LONRF2: variants seen among roughly 807,000 people sequenced by gnomAD.
LONRF2 encodes LON peptidase N-terminal domain and ring finger 2, also known as LON peptidase N-terminal domain and RING finger protein 2.
LONRF2 carries 35 observed loss-of-function variants against 66.6 expected under a neutral mutation model. The observed-to-expected ratio is 0.53, with a 90% confidence interval of 0.40 to 0.70. The LOEUF is 0.70. LONRF2 is among the 30% of genes least tolerant of loss of function. The pLI is 0.00. For missense variants in LONRF2, 902 were observed against 1,002.1 expected, an observed-to-expected ratio of 0.90 and a Z score of 1.35; for synonymous variants, 417 against 418.1, an observed-to-expected ratio of 1.00 and a Z score of 0.03.
intron 3 of LONRF2, among the ~76,000 whole-genome samples, chr2:100,302,465 A>C (rs1167965820): frequency 6.6e-6 from 1 of 152,230 alleles, no homozygotes; most frequent in Non-Finnish European, 1.5e-5. Context: ...ACTATTGTAT[A>C]AGCTTTTTAA....
chr2:100,289,842 A>C (rs1450788857), intron 10 of LONRF2, among the ~76,000 whole-genome samples: 1 of 152,198 alleles, frequency 6.6e-6, no homozygotes, highest in Non-Finnish European at 1.5e-5. Context: ...CTGTAGTCAC[A>C]GCACTTTGGG....
chr2:100,282,472 A>G lies in LONRF2; in HGVS notation c.*1826T>C, dbSNP rs1674759189. 1 of 152,272 alleles carries G rather than the reference A, an allele frequency of 6.6e-6. No homozygotes were observed. Among genetic ancestry groups the G allele is most frequent in the East Asian group, 1.9e-4 (1 of 5,206 alleles). The allele number at this position is 152,272 out of a possible 1,614,324, so 9.4% of individuals were successfully genotyped here. ...GAATGGTCAATGCATACTGATTTTC[A>G]TGAACCACTTCTGGTAAAGGTCTTC... On this transcript the variant is annotated 3_prime_UTR_variant, in exon 12 of 12. Transcript: ENST00000393437.
intron 10 of LONRF2, among the ~76,000 whole-genome samples, chr2:100,289,164 C>T (rs1674905317): frequency 8.0e-6 from 1 of 124,666 alleles, no homozygotes; most frequent in Non-Finnish European, 1.9e-5. Context: ...TGAGTCAAAC[C>T]GTGCTCACCA....
intron 2 of LONRF2, among the ~76,000 whole-genome samples, chr2:100,308,440 T>C (rs1175696700): frequency 2.0e-5 from 3 of 152,232 alleles, no homozygotes; most frequent in East Asian, 1.9e-4. Context: ...TAAAGTAATA[T>C]AGCAAATATT....
rs144370763 is a variant in LONRF2 at position 100,294,351 on chromosome 2, C to T, written c.1635G>A (p.Met545Ile). ...GTGGACATGGGACCGTGGGGAAGGC[C>T]ATGGCACACACAAAGATGGGGACGT... ...TRDVPIFVCA[M>I]AFPTVPCPLH... Residue 545 changes from methionine to isoleucine, a missense_variant, in exon 9 of 12, where the codon ATG becomes ATA. By Grantham distance (10) the Met-to-Ile change is conservative. Around this residue, in one of 2 missense-constraint regions of LONRF2, gnomAD observed 317 missense variants for 432.2 expected, o/e 0.73. Transcript: ENST00000393437. The T allele has an allele frequency of 2.5e-6, 4 of 1,599,870 alleles. No individual in the cohort carries two copies. In the African/African-American group the frequency reaches 5.4e-5, roughly 22 times the overall value.
intron 7 of LONRF2, among the ~76,000 whole-genome samples, chr2:100,296,642 T>C (rs993906605): frequency 6.6e-6 from 1 of 152,188 alleles, no homozygotes; most frequent in Non-Finnish European, 1.5e-5. Flanking sequence ...GAGTTCAAAC[T>C]TTGGAAACGC....
chr2:100,300,445 A>G (rs1022369913), intron 4 of LONRF2, among the ~76,000 whole-genome samples, 199 bp downstream of exon 4: 1 of 152,140 alleles, frequency 6.6e-6, no homozygotes, highest in African/African-American at 2.4e-5. Context: ...AGCTTCTTTC[A>G]ATCTTTAATC....
chr2:100,303,268 C>G (rs1400676459), intron 2 of LONRF2, among the ~76,000 whole-genome samples: 1 of 152,214 alleles, frequency 6.6e-6, no homozygotes, highest in Non-Finnish European at 1.5e-5. Flanking sequence ...AACACAGGAG[C>G]TACCGTACCT....
intron 1 of LONRF2, among the ~76,000 whole-genome samples, chr2:100,316,958 G>T (rs1675521835): frequency 6.6e-6 from 1 of 151,944 alleles, no homozygotes; most frequent in South Asian, 2.1e-4. Context: ...GATATTCCTT[G>T]CCTTAAAGAA....
In LONRF2 at chr2:100,319,298, A is replaced by G. The variant is rs141313771; in HGVS notation, c.679+2117T>C. Among the ~76,000 whole-genome samples the G allele has an allele frequency of 3.0e-4, 46 of 152,350 alleles. No homozygotes were observed. The East Asian group carries it at 8.3e-3, about 27-fold the overall frequency. On this transcript the variant is annotated intron_variant, in intron 1 of 11. Coordinates refer to ENST00000393437, the MANE Select transcript of LONRF2 (RefSeq NM_198461.4). ...TTGAATAGAAAAATGAATACATTCT[A>G]TATAAGTTCTCATATGAATTTACTG...
At chr2:100,301,271 G>A (rs560189737) in intron 3 of LONRF2, among the ~76,000 whole-genome samples, 10 of 152,210 alleles carry the variant, frequency 6.6e-5, no homozygotes, top group Non-Finnish European at 1.5e-4. Context: ...AAGAACCAGG[G>A]AATGGCATTG....
At chr2:100,288,090 G>A (rs189837333) in intron 10 of LONRF2, among the ~76,000 whole-genome samples, 2 of 152,172 alleles carry the variant, frequency 1.3e-5, no homozygotes, top group Admixed American at 1.3e-4. Flanking sequence ...TAAAATAAGC[G>A]CATACACTAT....
intron 9 of LONRF2, among the ~76,000 whole-genome samples, chr2:100,291,072 C>A (rs1674950205): frequency 6.6e-6 from 1 of 152,160 alleles, no homozygotes; most frequent in Non-Finnish European, 1.5e-5. Flanking sequence ...CTCTTGAACC[C>A]ACCAGAGGGT....
intron 10 of LONRF2, 148 bp downstream of exon 10, chr2:100,290,110 A>G: frequency 1.2e-6 from 1 of 847,844 alleles, no homozygotes; most frequent in Admixed American, 3.2e-5. Flanking sequence ...TTGACTCAAA[A>G]ATAAACAAAT....
At position 100,274,569 on chromosome 2, in the gene LONRF2, G is replaced by A. The variant is rs1384733161; in HGVS notation, c.*9729C>T. ...CTTAGAGATAGCAAAGGGGTCCCTT[G>A]GGAGTGCACCTTTGCACACTAACCA... is the stretch of plus-strand genomic sequence containing the variant. On this transcript the variant is annotated 3_prime_UTR_variant, in exon 12 of 12. Transcript: ENST00000393437. 1 of 152,176 alleles carries A rather than the reference G, an allele frequency of 6.6e-6. No homozygotes were observed. Among genetic ancestry groups the A allele is most frequent in the African/African-American group, 2.4e-5 (1 of 41,418 alleles). 9.4% of individuals were successfully genotyped at this position (152,176 alleles called of 1,614,324 possible).
chr2:100,314,924 C>T (rs2104212427), intron 1 of LONRF2, among the ~76,000 whole-genome samples: 2 of 152,282 alleles, frequency 1.3e-5, no homozygotes, highest in South Asian at 4.1e-4. Context: ...TGTAAATCCT[C>T]CAGCTTTGTT....
At chr2:100,290,085 C>T (rs369469681) in intron 10 of LONRF2, among the ~76,000 whole-genome samples, 173 bp downstream of exon 10, 29 of 151,630 alleles carry the variant, frequency 1.9e-4, no homozygotes, top group African/African-American at 4.8e-4. Context: ...CTAGCCTGCA[C>T]GACAGAACAA....
At chr2:100,311,261 T>C (rs1319377972) in intron 1 of LONRF2, among the ~76,000 whole-genome samples, 2 of 152,100 alleles carry the variant, frequency 1.3e-5, no homozygotes, top group African/African-American at 2.4e-5. Flanking sequence ...ACAATTCTCC[T>C]TTGGAGATTT....
Position 100,314,568 on chromosome 2 carries a change from T to G in LONRF2, c.680-5343A>C, listed in dbSNP as rs561340656. Among the ~76,000 whole-genome samples the G allele has an allele frequency of 3.9e-5, 6 of 152,296 alleles. No individual in the cohort carries two copies. The East Asian group carries it at 5.8e-4, about 15-fold the overall frequency. ...TATACTCATCCCCTTCTCACTTTTT[T>G]GGGGGCCTCTGAGGAACAGAAGTTT... is the stretch of plus-strand genomic sequence containing the variant. On this transcript the variant is annotated intron_variant, in intron 1 of 11. Transcript: ENST00000393437.
Sources: gnomAD v4.1 joint callset for allele counts (sites outside exome capture counted in the v4.1 genomes callset) on GRCh38, gnomAD v4.1.1 for gene constraint, gnomAD v4.1.1 regional missense constraint, MANE v1.5 for transcripts, NCBI Gene and HGNC (gene_info 2026-07-23, HGNC 2026-07-21) for gene names.